The following SEMA6D variants were observed in gnomAD, a reference collection of about 807,000 sequenced individuals.
SEMA6D encodes the protein semaphorin 6D.
SEMA6D carries 35 observed loss-of-function variants against 106.6 expected under a neutral mutation model. The observed-to-expected ratio is 0.33, with a 90% CI of 0.25 to 0.44. The LOEUF is 0.44. Ranked by LOEUF, SEMA6D falls within the 20% of genes least tolerant of loss-of-function variation. The probability of loss-of-function intolerance (pLI) is 1.00; values close to 1 mark genes in which losing one functional copy is unlikely to be tolerated. For synonymous variants in SEMA6D, 499 were observed against 487.7 expected, an observed-to-expected ratio of 1.02 and a Z score of -0.31; for missense variants, 1,185 against 1,345.9, an observed-to-expected ratio of 0.88 and a Z score of 1.87.
At chr15:47,486,001 A>G (rs1203581996) in intron 3 of SEMA6D, among the ~76,000 whole-genome samples, 4 of 152,206 alleles carry the variant, frequency 2.6e-5, no homozygotes, top group Non-Finnish European at 5.9e-5. Flanking sequence ...AGCTAGGGCA[A>G]TAGGGCCAGG....
intron 1 of SEMA6D, among the ~76,000 whole-genome samples, chr15:47,317,174 G>A (rs1483882881): frequency 6.6e-6 from 1 of 152,062 alleles, no homozygotes; most frequent in Non-Finnish European, 1.5e-5. Context: ...TTTTATCTAA[G>A]TTACCAAATT....
intron 3 of SEMA6D, among the ~76,000 whole-genome samples, chr15:47,537,458 C>G (rs1476253923): frequency 6.6e-6 from 1 of 152,074 alleles, no homozygotes; most frequent in African/African-American, 2.4e-5. Flanking sequence ...TAGGTTGAAG[C>G]ATTATGAGAC....
chr15:47,281,808 C>G (rs770132731), intron 1 of SEMA6D, among the ~76,000 whole-genome samples: 1 of 152,126 alleles, frequency 6.6e-6, no homozygotes, highest in Non-Finnish European at 1.5e-5. Flanking sequence ...ACCAAACCCA[C>G]AGCATTTTTG....
intron 1 of SEMA6D, among the ~76,000 whole-genome samples, chr15:47,230,630 C>T (rs1272240915): frequency 1.3e-5 from 2 of 152,044 alleles, no homozygotes; most frequent in Non-Finnish European, 1.5e-5. Flanking sequence ...ACTCTGCTTT[C>T]TAAGTCAGTG....
At position 47,730,052 on chromosome 15, in the gene SEMA6D, A is replaced by G; in HGVS notation, c.-55+12360A>G. 4 of 652,754 alleles carry G rather than the reference A, an allele frequency of 6.1e-6. No homozygotes were observed. In the South Asian group the frequency reaches 8.0e-5, roughly 13 times the overall value. The allele number at this position is 652,754 out of a possible 1,614,324, so 40.4% of individuals were successfully genotyped here. On this transcript the variant is annotated intron_variant, in intron 1 of 18. Coordinates refer to ENST00000536845, the MANE Select transcript of SEMA6D (RefSeq NM_001358351.3). The stretch of plus-strand genomic sequence containing the variant: ...CCCTTAATGCTATGTTTATCTTCCC[A>G]TTTTATTTTAGTTTAGTTTAGTTTA...
At chr15:47,552,826 A>ATTTT (rs71118185) in intron 3 of SEMA6D, among the ~76,000 whole-genome samples, 1 of 51,576 alleles carries the variant, frequency 1.9e-5, no homozygotes, top group African/African-American at 1.2e-4. Flanking sequence ...AAATATATAT[A>ATTTT]TTTTTATATA....
chr15:47,711,202 T>C (rs1015455089), intron 4 of SEMA6D, among the ~76,000 whole-genome samples: 4 of 144,426 alleles, frequency 2.8e-5, no homozygotes, highest in South Asian at 2.2e-4. Context: ...CCCAGCTACT[T>C]GGGAGGCTGA....
intron 9 of SEMA6D, 68 bp from the exon 10 acceptor site, chr15:47,763,782 A>C: frequency 7.4e-7 from 1 of 1,346,100 alleles, no homozygotes; most frequent in Non-Finnish European, 1.1e-6. Context: ...TCCCTTAAAC[A>C]GTATCATTTT....
intron 1 of SEMA6D, among the ~76,000 whole-genome samples, chr15:47,257,699 G>A (rs1595562809): frequency 6.6e-6 from 1 of 151,516 alleles, no homozygotes. Flanking sequence ...TAGGATATGG[G>A]TCTATCTTGG....
intron 1 of SEMA6D, among the ~76,000 whole-genome samples, chr15:47,304,378 G>A (rs7174871): frequency 0.12 from 17,479 of 146,822 alleles, 2,314 homozygotes; most frequent in East Asian, 0.66. Flanking sequence ...CCTGGGAGGC[G>A]GAGGATGCAG....
At chr15:47,264,575 A>G (rs2034227230) in intron 1 of SEMA6D, among the ~76,000 whole-genome samples, 1 of 152,042 alleles carries the variant, frequency 6.6e-6, no homozygotes, top group Admixed American at 6.6e-5. Flanking sequence ...ATATATGTGT[A>G]TGTGTGCATG....
intron 18 of SEMA6D, among the ~76,000 whole-genome samples, chr15:47,769,542 A>G (rs564618574): frequency 6.6e-6 from 1 of 152,256 alleles, no homozygotes; most frequent in East Asian, 1.9e-4. Context: ...ACTGAATTCC[A>G]TAACATTAAT....
chr15:47,230,349 A>G (rs536870033), intron 1 of SEMA6D, among the ~76,000 whole-genome samples: 2 of 152,222 alleles, frequency 1.3e-5, no homozygotes, highest in East Asian at 1.9e-4. Context: ...CATGAATGCT[A>G]GATTTCCATG....
intron 3 of SEMA6D, among the ~76,000 whole-genome samples, chr15:47,500,242 G>A (rs1396369296): frequency 6.6e-6 from 1 of 152,046 alleles, no homozygotes; most frequent in Non-Finnish European, 1.5e-5. Flanking sequence ...CTCTGATGGT[G>A]CACTTTCATT....
intron 3 of SEMA6D, among the ~76,000 whole-genome samples, chr15:47,587,474 A>T (rs190709415): frequency 8.1e-4 from 124 of 152,314 alleles, no homozygotes; most frequent in African/African-American, 2.9e-3. Context: ...CTTATGTTGA[A>T]ACCCTTACAG....
intron 1 of SEMA6D, among the ~76,000 whole-genome samples, chr15:47,392,452 G>A (rs2040068520): frequency 6.6e-6 from 1 of 152,140 alleles, no homozygotes; most frequent in African/African-American, 2.4e-5. Context: ...GGAGACAGGA[G>A]GGTCAGGGTC....
intron 4 of SEMA6D, among the ~76,000 whole-genome samples, chr15:47,607,463 T>C (rs2076805358): frequency 6.6e-6 from 1 of 152,194 alleles, no homozygotes; most frequent in South Asian, 2.1e-4. Context: ...CCTTGTCCCT[T>C]TCCACCTACC....
At chr15:47,621,080 A>G (rs1239391045) in intron 4 of SEMA6D, among the ~76,000 whole-genome samples, 1 of 152,190 alleles carries the variant, frequency 6.6e-6, no homozygotes, top group Non-Finnish European at 1.5e-5. Flanking sequence ...GTTAGTTCAC[A>G]GTCAGTGGTG....
At chr15:47,573,971 G>A (rs1054640489) in intron 3 of SEMA6D, among the ~76,000 whole-genome samples, 41 of 152,262 alleles carry the variant, frequency 2.7e-4, no homozygotes, top group South Asian at 2.1e-4. Flanking sequence ...CTGTGACAAA[G>A]CCAGTCTACC....
Sources: allele counts gnomAD v4.1 joint callset (sites outside exome capture counted in the v4.1 genomes callset), GRCh38; gene constraint gnomAD v4.1.1; transcripts MANE v1.5; gene names NCBI Gene and HGNC (gene_info 2026-07-23, HGNC 2026-07-21).